FOSL1: variants seen among roughly 807,000 people sequenced by gnomAD.
FOSL1 encodes FOS like 1, AP-1 transcription factor subunit, also known as fos-related antigen 1.
FOSL1 carries 14 observed loss-of-function variants against 24.9 expected under a neutral mutation model. The ratio of observed to expected loss-of-function variants is 0.56; its 90% CI spans 0.37 to 0.88. The LOEUF (loss-of-function observed/expected upper bound fraction) is 0.88. Among genes scored for constraint, FOSL1 ranks in the 40% least tolerant of loss-of-function variants. The pLI, the probability that FOSL1 is intolerant of heterozygous loss-of-function variation, is 0.00. For missense variants in FOSL1, 318 were observed against 359.8 expected, an observed-to-expected ratio of 0.88 and a Z score of 0.94; for synonymous variants, 133 against 145.1, an observed-to-expected ratio of 0.92 and a Z score of 0.60.
rs1375262339 is a variant in FOSL1, at chr11:65,898,974, AAAAGAAAAG to A, written c.99+1258_99+1266del. Among the ~76,000 whole-genome samples, 32 of 16,326 alleles carry A rather than the reference AAAAGAAAAG, an allele frequency of 2.0e-3. No individual in the cohort carries two copies. In the South Asian group the frequency reaches 0.037, roughly 19 times the overall value. 10.7% of individuals were successfully genotyped at this position (16,326 alleles called of 152,430 possible). A position where few individuals can be genotyped will look rare whatever the true frequency, so the allele number is the denominator to read the frequency against. ...AGACCCTGTCTCAGAAAAAAAAAAA[AAAAGAAAAG>A]AAAGAGAAGGAAAGAAAATTAGTGG... On this transcript the variant is annotated intron_variant, in intron 1 of 3. Coordinates refer to ENST00000312562, the MANE Select transcript of FOSL1 (RefSeq NM_005438.5).
Position 65,894,135 on chromosome 11 carries a change from C to T in FOSL1, c.298-14G>A. 3 of 1,585,974 alleles carry T rather than the reference C, an allele frequency of 1.9e-6. No individual in the cohort carries two copies. Among genetic ancestry groups the T allele is most frequent in the Non-Finnish European group, 2.6e-6 (3 of 1,167,808 alleles). On this transcript the variant is annotated splice_polypyrimidine_tract_variant and intron_variant, in intron 2 of 3. Transcript: ENST00000312562. ...CTCCGGGCTGATCTGGGGGTGAGACCCGCAGTGAGGAGGACCCTGGGCTAC... is the reference window on the plus strand; with the variant it reads ...CTCCGGGCTGATCTGGGGGTGAGACTCGCAGTGAGGAGGACCCTGGGCTAC...
At chr11:65,898,043 C>CCGTTTTTTTTTTTTTTTT (rs1416098633) in intron 1 of FOSL1, among the ~76,000 whole-genome samples, 6 of 79,642 alleles carry the variant, frequency 7.5e-5, no homozygotes, top group South Asian at 7.7e-4. Context: ...TTTTTCTTTT[C>CCGTTTTTTTTTTTTTTTT]TGTTTTTTTT....
intron 2 of FOSL1, among the ~76,000 whole-genome samples, chr11:65,896,518 G>A (rs1383744532): frequency 6.6e-6 from 1 of 152,026 alleles, no homozygotes; most frequent in Non-Finnish European, 1.5e-5. Context: ...CCTTGCTCCT[G>A]CCACCCCCGC....
intron 1 of FOSL1, among the ~76,000 whole-genome samples, chr11:65,898,978 GAA>G (rs57833260): frequency 3.7e-5 from 1 of 26,720 alleles, no homozygotes; most frequent in Non-Finnish European, 3.0e-4. Flanking sequence ...AAAAAAAAAA[GAA>G]AAGAAAGAGA....
In FOSL1 at chr11:65,892,822, C is replaced by T. The variant is rs767317197; in HGVS notation, c.*64G>A. On this transcript the variant is annotated 3_prime_UTR_variant, in exon 4 of 4. Coordinates refer to ENST00000312562, the MANE Select transcript of FOSL1 (RefSeq NM_005438.5). Reference sequence around the variant, plus strand: ...GGGATACTGTCCAGGCCAGCTGGACCGGTGGGGGAAGGGGAGGAGACATTG... The same window carrying T: ...GGGATACTGTCCAGGCCAGCTGGACTGGTGGGGGAAGGGGAGGAGACATTG... 107 of 1,523,934 alleles carry T rather than the reference C, an allele frequency of 7.0e-5. No homozygotes were observed. The highest frequency in any genetic ancestry group is 8.1e-5 in the Non-Finnish European group (91 of 1,116,604). The allele number at this position is 1,523,934 out of a possible 1,614,324, so 94.4% of individuals were successfully genotyped here. A position where few individuals can be genotyped will look rare whatever the true frequency, so the allele number is the denominator to read the frequency against.
chr11:65,898,288 G>T (rs1027676639), intron 1 of FOSL1, among the ~76,000 whole-genome samples: 1 of 152,050 alleles, frequency 6.6e-6, no homozygotes, highest in African/African-American at 2.4e-5. Context: ...TGATCCACCC[G>T]CCTTGGCCTC....
chr11:65,899,321 G>T (rs908019139), intron 1 of FOSL1, among the ~76,000 whole-genome samples: 1 of 152,214 alleles, frequency 6.6e-6, no homozygotes, highest in Non-Finnish European at 1.5e-5. Flanking sequence ...CCGAGGCACC[G>T]CCGGCGGCAT....
chr11:65,894,278 T>A (rs1231074341), intron 2 of FOSL1, among the ~76,000 whole-genome samples, 157 bp from the exon 3 acceptor site: 1 of 152,164 alleles, frequency 6.6e-6, no homozygotes, highest in African/African-American at 2.4e-5. Flanking sequence ...TTCCCTGCAC[T>A]GAGGCGCTGT....
chr11:65,898,117 T>C lies in FOSL1; in HGVS notation c.100-1111A>G, dbSNP rs535139920. Among the ~76,000 whole-genome samples, 4 of 143,876 alleles carry C rather than the reference T, an allele frequency of 2.8e-5. No individual in the cohort carries two copies. The South Asian group carries it at 7.1e-4, about 25-fold the overall frequency. The allele number at this position is 143,876 out of a possible 152,430, so 94.4% of individuals were successfully genotyped here. A position where few individuals can be genotyped will look rare whatever the true frequency, so the allele number is the denominator to read the frequency against. On this transcript the variant is annotated intron_variant, in intron 1 of 3. Coordinates refer to ENST00000312562, the MANE Select transcript of FOSL1 (RefSeq NM_005438.5). ...GTGCAGTAGCCCGATCTCGCCTCAC[T>C]GCAACCTCCACCTCCTGGATTCAAG...
At chr11:65,894,365 G>A (rs1029044942) in intron 2 of FOSL1, among the ~76,000 whole-genome samples, 3 of 151,978 alleles carry the variant, frequency 2.0e-5, no homozygotes, top group Non-Finnish European at 4.4e-5. Context: ...CTCCCCCTCC[G>A]CAAACCCTAA....
intron 2 of FOSL1, among the ~76,000 whole-genome samples, chr11:65,895,942 C>A (rs906171032): frequency 6.6e-6 from 1 of 152,232 alleles, no homozygotes; most frequent in African/African-American, 2.4e-5. Flanking sequence ...CTTTGGGGAG[C>A]CAAGAATTGT....
chr11:65,893,805 A>AG (rs1474992916), intron 3 of FOSL1, among the ~76,000 whole-genome samples: 2 of 152,122 alleles, frequency 1.3e-5, no homozygotes, highest in African/African-American at 2.4e-5. Context: ...CTCAAAAAAA[A>AG]AAGGAGATTG....
chr11:65,894,148 G>A (rs1428253862), intron 2 of FOSL1, 27 bp from the exon 3 acceptor site: 1 of 1,538,066 alleles, frequency 6.5e-7, no homozygotes, highest in Admixed American at 1.7e-5. Context: ...CAGTGAGGAG[G>A]ACCCTGGGCT....
intron 2 of FOSL1, among the ~76,000 whole-genome samples, chr11:65,894,977 T>TTG (rs1555048547): frequency 7.9e-5 from 12 of 150,964 alleles, no homozygotes; most frequent in African/African-American, 2.9e-4. Flanking sequence ...TTTTTTTTTT[T>TTG]TGTGTAGTGA....
At position 65,892,557 on chromosome 11, in the gene FOSL1, G is replaced by C; in HGVS notation, c.*329C>G. The C allele has an allele frequency of 1.8e-6, 1 of 543,718 alleles. No homozygotes were observed. The highest frequency in any genetic ancestry group is 3.5e-6 in the Non-Finnish European group (1 of 283,820). The allele number at this position is 543,718 out of a possible 1,614,324, so 33.7% of individuals were successfully genotyped here. Reference sequence around the variant, plus strand: ...AGAGGGTGATGGAGAGTGTGGCAGTGATCTGGAAGGGGTTAGGGCTCCAGA... The same window carrying C: ...AGAGGGTGATGGAGAGTGTGGCAGTCATCTGGAAGGGGTTAGGGCTCCAGA... On this transcript the variant is annotated 3_prime_UTR_variant, in exon 4 of 4. Transcript: ENST00000312562.
In FOSL1 at chr11:65,892,956, C is replaced by A; in HGVS notation, c.746G>T (p.Arg249Leu). The A allele has an allele frequency of 1.2e-6, 2 of 1,612,566 alleles. No homozygotes were observed. Among genetic ancestry groups the A allele is most frequent in the Non-Finnish European group, 1.7e-6 (2 of 1,180,002 alleles). The change falls in exon 4 of 4, where the codon CGC becomes CTC. Residue 249 changes from arginine (R) to leucine (L), a missense_variant. Transcript: ENST00000312562. ...STPEPCASAH[R>L]KSSSSSGDPS... is the part of the protein sequence containing the mutation. ...GTCTCCGCTGCTGCTGCTACTCTTG[C>A]GATGAGCTGAGGCACAAGGCTCAGG... is the stretch of plus-strand genomic sequence containing the variant.
chr11:65,897,367 T>C lies in FOSL1; in HGVS notation c.100-361A>G, dbSNP rs528165998. ...TTTCTTTTTTTTTTTTCAGATGGAG[T>C]CTCACTCTGTTGCCCAGGCTGGAGT... On this transcript the variant is annotated intron_variant, in intron 1 of 3. Coordinates refer to ENST00000312562, the MANE Select transcript of FOSL1 (RefSeq NM_005438.5). 2.7e-5 allele frequency among the ~76,000 whole-genome samples: 4 copies of C among 149,618 alleles called. No individual in the cohort carries two copies. In the Admixed American group the frequency reaches 2.7e-4, roughly 10 times the overall value.
At chr11:65,893,591 G>C (rs1203264587) in intron 3 of FOSL1, among the ~76,000 whole-genome samples, 1 of 152,126 alleles carries the variant, frequency 6.6e-6, no homozygotes, top group East Asian at 1.9e-4. Context: ...AGGAGTTTGA[G>C]ACCAGCCTGG....
chr11:65,898,962 G>GA lies in FOSL1; in HGVS notation c.99+1278dup, dbSNP rs745881086. On this transcript the variant is annotated intron_variant, in intron 1 of 3. Transcript: ENST00000312562. Reference sequence around the variant, plus strand: ...GGCAACAGAGGGAGACCCTGTCTCAGAAAAAAAAAAAAAAAGAAAAGAAAG... The same window carrying GA: ...GGCAACAGAGGGAGACCCTGTCTCAGAAAAAAAAAAAAAAAAGAAAAGAAAG... 4.9e-3 allele frequency among the ~76,000 whole-genome samples: 151 copies of GA among 31,052 alleles called. 2 individuals are homozygous for GA. Among genetic ancestry groups the GA allele is most frequent in the African/African-American group, 8.0e-3 (145 of 18,156 alleles). The allele number at this position is 31,052 out of a possible 152,430, so 20.4% of individuals were successfully genotyped here.
Sources: allele counts gnomAD v4.1 joint callset (sites outside exome capture counted in the v4.1 genomes callset), GRCh38; gene constraint gnomAD v4.1.1; transcripts MANE v1.5; gene names NCBI Gene and HGNC (gene_info 2026-07-23, HGNC 2026-07-21).